Variants in HIP1 observed in about 807,000 individuals in gnomAD.
HIP1 encodes the protein huntingtin-interacting protein 1.
Under a neutral mutation model 147.6 loss-of-function variants are expected in HIP1, and 65 were observed. That is an observed-to-expected ratio of 0.44 (90% CI 0.36 to 0.54). HIP1 has a LOEUF of 0.54. HIP1 is among the 20% of genes least tolerant of loss of function. HIP1 has a pLI of 0.00. For missense variants in HIP1, 1,061 were observed against 1,299.6 expected (o/e 0.82, Z 2.82); for synonymous variants, 479 against 504.0 (o/e 0.95, Z 0.67).
intron 1 of HIP1, among the ~76,000 whole-genome samples, chr7:75,737,776 C>T (rs1194258557): frequency 6.8e-6 from 1 of 147,708 alleles, no homozygotes; most frequent in African/African-American, 2.5e-5. Context: ...CATAACACAT[C>T]AGGGGACCAG....
At chr7:75,622,062 C>A (rs1258439839) in intron 1 of HIP1, among the ~76,000 whole-genome samples, 1 of 151,462 alleles carries the variant, frequency 6.6e-6, no homozygotes, top group Non-Finnish European at 1.5e-5. Context: ...GGTGGGCAGA[C>A]CTCTTGAGGC....
chr7:75,677,889 C>T (rs187754282), intron 1 of HIP1, among the ~76,000 whole-genome samples: 1 of 152,058 alleles, frequency 6.6e-6, no homozygotes, highest in East Asian at 1.9e-4. Context: ...TTGGTTCTAT[C>T]ACTTCATTAT....
At chr7:75,592,901 G>A (rs1369122177) in intron 2 of HIP1, among the ~76,000 whole-genome samples, 2 of 152,146 alleles carry the variant, frequency 1.3e-5, no homozygotes, top group African/African-American at 2.4e-5. Context: ...TGTAGGCCAC[G>A]GTGGTATTGG....
chr7:75,582,758 G>A (rs376506287), intron 5 of HIP1, among the ~76,000 whole-genome samples: 1 of 152,048 alleles, frequency 6.6e-6, no homozygotes, highest in African/African-American at 2.4e-5. Flanking sequence ...AGTGAGCTGA[G>A]ATCGCACCAC....
At chr7:75,643,535 G>C (rs782776848) in intron 1 of HIP1, among the ~76,000 whole-genome samples, 1 of 152,156 alleles carries the variant, frequency 6.6e-6, no homozygotes, top group Non-Finnish European at 1.5e-5. Context: ...TTATTACAAT[G>C]CGTATTTTGC....
At chr7:75,630,030 C>T (rs1035883233) in intron 1 of HIP1, among the ~76,000 whole-genome samples, 2 of 152,256 alleles carry the variant, frequency 1.3e-5, no homozygotes, top group South Asian at 2.1e-4. Context: ...TGGTGGCATG[C>T]ACCTGTAGTC....
At chr7:75,584,288 G>C (rs782789755) in intron 5 of HIP1, among the ~76,000 whole-genome samples, 1 of 152,024 alleles carries the variant, frequency 6.6e-6, no homozygotes, top group Non-Finnish European at 1.5e-5. Flanking sequence ...TTAAGAGACA[G>C]GGTCTCACTG....
At chr7:75,656,076 G>A (rs1431226511) in intron 1 of HIP1, among the ~76,000 whole-genome samples, 2 of 150,286 alleles carry the variant, frequency 1.3e-5, no homozygotes, top group South Asian at 2.1e-4. Context: ...CCATGGTCGC[G>A]CCACTGCACT....
intron 1 of HIP1, among the ~76,000 whole-genome samples, chr7:75,664,844 C>T (rs1554514465): frequency 6.6e-6 from 1 of 152,144 alleles, no homozygotes; most frequent in Non-Finnish European, 1.5e-5. Context: ...TGGTCTTGAA[C>T]TCCTGGCCTC....
intron 1 of HIP1, among the ~76,000 whole-genome samples, chr7:75,732,812 G>A (rs1028159264): frequency 6.6e-6 from 1 of 152,066 alleles, no homozygotes; most frequent in Non-Finnish European, 1.5e-5. Context: ...GGGCTGTGGT[G>A]AACACGACAA....
At chr7:75,566,594 G>A (rs1795411458) in intron 9 of HIP1, among the ~76,000 whole-genome samples, 1 of 151,488 alleles carries the variant, frequency 6.6e-6, no homozygotes, top group African/African-American at 2.5e-5. Flanking sequence ...CACACTGGTA[G>A]GTGTGTCTTA....
chr7:75,609,296 G>A (rs587712223), intron 1 of HIP1, among the ~76,000 whole-genome samples: 3 of 152,274 alleles, frequency 2.0e-5, no homozygotes, highest in South Asian at 2.1e-4. Flanking sequence ...GCCCATTGCC[G>A]AGTCTGTGGC....
At chr7:75,615,321 G>A (rs933551427) in intron 1 of HIP1, among the ~76,000 whole-genome samples, 3 of 151,956 alleles carry the variant, frequency 2.0e-5, no homozygotes, top group Non-Finnish European at 4.4e-5. Flanking sequence ...TTGAGAGGCC[G>A]AGGCAGGAGG....
intron 1 of HIP1, among the ~76,000 whole-genome samples, chr7:75,672,759 T>A (rs1441821674): frequency 6.6e-6 from 1 of 152,214 alleles, no homozygotes; most frequent in African/African-American, 2.4e-5. Context: ...TCCAAGCTCA[T>A]AAAGATTTAC....
intron 1 of HIP1, among the ~76,000 whole-genome samples, chr7:75,602,339 A>T (rs1554503131): frequency 1.9e-5 from 2 of 105,510 alleles, no homozygotes; most frequent in African/African-American, 7.3e-5. Context: ...TTTTCAAAAG[A>T]GATAGGGTTT....
chr7:75,687,813 T>C (rs1800317414), intron 1 of HIP1, among the ~76,000 whole-genome samples: 1 of 152,172 alleles, frequency 6.6e-6, no homozygotes, highest in Non-Finnish European at 1.5e-5. Context: ...CTCCTTTCCA[T>C]GGTGCCTTCC....
At chr7:75,544,065 G>C (rs781974369) in intron 27 of HIP1, among the ~76,000 whole-genome samples, 6 of 151,854 alleles carry the variant, frequency 4.0e-5, no homozygotes, top group South Asian at 2.1e-4. Flanking sequence ...CCAGCTACTC[G>C]GGAGGCTGAG....
chr7:75,604,330 T>C (rs1554503503), intron 1 of HIP1, among the ~76,000 whole-genome samples: 1 of 152,126 alleles, frequency 6.6e-6, no homozygotes, highest in Non-Finnish European at 1.5e-5. Flanking sequence ...TGGGAAGGCC[T>C]GTAAGGAATA....
chr7:75,586,867 A>T, intron 4 of HIP1, 34 bp from the exon 5 acceptor site: 1 of 1,317,586 alleles, frequency 7.6e-7, no homozygotes, highest in South Asian at 1.2e-5. Flanking sequence ...AGAGTCAACA[A>T]CAAGAACATA....
Sources: allele counts gnomAD v4.1 joint callset (sites outside exome capture counted in the v4.1 genomes callset), GRCh38; gene constraint gnomAD v4.1.1; transcripts MANE v1.5; gene names NCBI Gene and HGNC (gene_info 2026-07-23, HGNC 2026-07-21).